Variants in MTUS2 observed in about 807,000 individuals in gnomAD.
The protein encoded by MTUS2 is microtubule-associated tumor suppressor candidate 2.
In MTUS2, 40 loss-of-function variants were observed where a neutral mutation model predicts 114.1. The observed-to-expected ratio is 0.35, with a 90% confidence interval of 0.27 to 0.46. MTUS2 has a LOEUF of 0.46. MTUS2 is among the 20% of genes least tolerant of loss of function. The probability of loss-of-function intolerance (pLI) is 1.00; values close to 1 mark genes in which losing one functional copy is unlikely to be tolerated. For synonymous variants in MTUS2, 688 were observed against 672.0 expected (o/e 1.02, Z -0.37); for missense variants, 1,679 against 1,705.4 (o/e 0.98, Z 0.27).
At chr13:29,273,967 T>C (rs1236079966) in intron 5 of MTUS2, among the ~76,000 whole-genome samples, 1 of 152,232 alleles carries the variant, frequency 6.6e-6, no homozygotes, top group Non-Finnish European at 1.5e-5. Context: ...GACTTGTGAA[T>C]AATGTTGCTA....
intron 4 of MTUS2, among the ~76,000 whole-genome samples, chr13:29,043,382 G>A (rs920731023): frequency 6.6e-6 from 1 of 152,040 alleles, no homozygotes; most frequent in African/African-American, 2.4e-5. Context: ...AATGTTCCAT[G>A]TGCTGATGAA....
At chr13:29,275,198 T>C (rs1898018716) in intron 5 of MTUS2, among the ~76,000 whole-genome samples, 1 of 152,176 alleles carries the variant, frequency 6.6e-6, no homozygotes, top group Admixed American at 6.5e-5. Context: ...TTTATTGTTT[T>C]TTAGATTTAA....
chr13:29,335,198 T>C (rs1439307873), intron 7 of MTUS2, among the ~76,000 whole-genome samples: 1 of 152,074 alleles, frequency 6.6e-6, no homozygotes, highest in African/African-American at 2.4e-5. Context: ...TAAGGAGAGA[T>C]CTCTAAAATG....
At chr13:29,320,769 A>G (rs1900220023) in intron 6 of MTUS2, among the ~76,000 whole-genome samples, 2 of 152,230 alleles carry the variant, frequency 1.3e-5, no homozygotes, top group Non-Finnish European at 2.9e-5. Flanking sequence ...TTAAGGCACA[A>G]GACAGAAATT....
Position 29,053,491 on chromosome 13 carries a change from A to G in MTUS2, c.2446+19366A>G, listed in dbSNP as rs1210022196. On this transcript the variant is annotated intron_variant, in intron 4 of 15. Transcript: ENST00000612955. Reference sequence around the variant, plus strand: ...TCCAGTTTGGGGAGGTTTGCAAGTTAAGGTCAAACCTAGCTGAATTAATAA... The same window carrying G: ...TCCAGTTTGGGGAGGTTTGCAAGTTGAGGTCAAACCTAGCTGAATTAATAA... Among the ~76,000 whole-genome samples the G allele has an allele frequency of 2.0e-5, 3 of 152,216 alleles. No individual in the cohort carries two copies. The East Asian group carries it at 5.8e-4, about 29-fold the overall frequency.
At chr13:28,998,083 C>G (rs1454578119) in intron 2 of MTUS2, among the ~76,000 whole-genome samples, 1 of 152,010 alleles carries the variant, frequency 6.6e-6, no homozygotes, top group African/African-American at 2.4e-5. Context: ...TAGGGCAGGC[C>G]TGGTGGTGAC....
chr13:29,454,367 T>TG (rs1430539712), intron 9 of MTUS2, among the ~76,000 whole-genome samples: 4 of 152,230 alleles, frequency 2.6e-5, no homozygotes, highest in Non-Finnish European at 5.9e-5. Context: ...CTTACCTTAG[T>TG]GGATTCCCTG....
At chr13:29,447,337 C>A (rs1215185202) in intron 9 of MTUS2, among the ~76,000 whole-genome samples, 1 of 147,798 alleles carries the variant, frequency 6.8e-6, no homozygotes, top group East Asian at 1.9e-4. Flanking sequence ...ATAGCAGTTG[C>A]AGCAGTTTCT....
At chr13:28,845,041 G>C (rs777929930) in intron 2 of MTUS2, among the ~76,000 whole-genome samples, 1 of 152,078 alleles carries the variant, frequency 6.6e-6, no homozygotes, top group Non-Finnish European at 1.5e-5. Flanking sequence ...CTGTAACCTT[G>C]AACTCCTGAG....
intron 2 of MTUS2, among the ~76,000 whole-genome samples, chr13:29,010,188 G>A (rs1437858987): frequency 3.4e-5 from 5 of 146,646 alleles, no homozygotes; most frequent in African/African-American, 7.6e-5. Context: ...TCCAGCCTGG[G>A]CGACAGAGCA....
chr13:29,128,901 AATAAG>A (rs1328992895), intron 5 of MTUS2, among the ~76,000 whole-genome samples: 1 of 152,228 alleles, frequency 6.6e-6, no homozygotes, highest in Admixed American at 6.5e-5. Context: ...TTACATAAAA[AATAAG>A]ATAATGAGGA....
intron 5 of MTUS2, among the ~76,000 whole-genome samples, chr13:29,267,070 G>T (rs1441410275): frequency 1.3e-5 from 2 of 152,194 alleles, no homozygotes; most frequent in Admixed American, 1.3e-4. Context: ...TGGTGGCATT[G>T]TCTCAGCAAG....
At chr13:29,324,329 A>C (rs776408291) in intron 6 of MTUS2, among the ~76,000 whole-genome samples, 6 of 152,180 alleles carry the variant, frequency 3.9e-5, no homozygotes, top group Non-Finnish European at 8.8e-5. Flanking sequence ...GGTCAGGGTC[A>C]TTGGGGTGGC....
At chr13:29,128,464 T>TATA (rs1891612991) in intron 5 of MTUS2, among the ~76,000 whole-genome samples, 1 of 152,166 alleles carries the variant, frequency 6.6e-6, no homozygotes, top group Admixed American at 6.5e-5. Flanking sequence ...TCTTCAGGAT[T>TATA]ATTTCGCATT....
chr13:29,175,774 C>CT (rs11409692), intron 5 of MTUS2, among the ~76,000 whole-genome samples: 109,966 of 149,178 alleles, frequency 0.74, 40,423 homozygotes, highest in East Asian at 0.8. Context: ...AATAGGTTTT[C>CT]TTTTTTTTTT....
At chr13:28,974,135 CG>C (rs1357900280) in intron 2 of MTUS2, among the ~76,000 whole-genome samples, 8 of 152,122 alleles carry the variant, frequency 5.3e-5, no homozygotes, top group African/African-American at 1.9e-4. Context: ...GCTAACTGGA[CG>C]GTGAGTAGTT....
At chr13:29,042,483 A>G (rs1453001748) in intron 4 of MTUS2, among the ~76,000 whole-genome samples, 2 of 151,924 alleles carry the variant, frequency 1.3e-5, no homozygotes, top group Non-Finnish European at 2.9e-5. Context: ...GGCTTCATAG[A>G]ATGATTTAGG....
intron 5 of MTUS2, among the ~76,000 whole-genome samples, chr13:29,272,898 GC>G (rs1418779843): frequency 1.4e-4 from 21 of 152,338 alleles, no homozygotes; most frequent in African/African-American, 5.1e-4. Context: ...AGATCAAGGG[GC>G]TGACAGATTT....
chr13:29,291,400 A>G (rs949116822), intron 6 of MTUS2, among the ~76,000 whole-genome samples: 1 of 152,242 alleles, frequency 6.6e-6, no homozygotes, highest in Non-Finnish European at 1.5e-5. Flanking sequence ...TTTGTTTTCA[A>G]AAGGCATAAA....
Sources: gnomAD v4.1 joint callset for allele counts (sites outside exome capture counted in the v4.1 genomes callset) on GRCh38, gnomAD v4.1.1 for gene constraint, MANE v1.5 for transcripts, NCBI Gene and HGNC (gene_info 2026-07-23, HGNC 2026-07-21) for gene names.